The following IFT57 variants were observed in gnomAD, a reference collection of about 807,000 sequenced individuals.
The protein encoded by IFT57 is intraflagellar transport 57, also known as intraflagellar transport protein 57 homolog.
In IFT57, 59 loss-of-function variants were observed where a neutral mutation model predicts 56.8. The observed-to-expected ratio is 1.04, with a 90% CI of 0.84 to 1.29. The LOEUF is 1.29. IFT57 is among the 50% of genes most tolerant of loss of function. IFT57 has a pLI of 0.00. For synonymous variants in IFT57, 209 were observed against 186.1 expected, an observed-to-expected ratio of 1.12 and a Z score of -1.00; for missense variants, 470 against 522.1, an observed-to-expected ratio of 0.90 and a Z score of 0.97.
chr3:108,171,587 C>T (rs2080092460), intron 6 of IFT57, among the ~76,000 whole-genome samples: 1 of 151,718 alleles, frequency 6.6e-6, no homozygotes, highest in African/African-American at 2.4e-5. Flanking sequence ...CTATTCACCA[C>T]CCGTGACTAT....
chr3:108,211,364 G>C (rs1343294555), intron 4 of IFT57, among the ~76,000 whole-genome samples: 1 of 152,198 alleles, frequency 6.6e-6, no homozygotes, highest in Non-Finnish European at 1.5e-5. Context: ...AGCTTGAACG[G>C]AAAGATCTGT....
chr3:108,199,735 C>G (rs763512859), intron 5 of IFT57, among the ~76,000 whole-genome samples: 1 of 152,114 alleles, frequency 6.6e-6, no homozygotes. Flanking sequence ...ATAATCCTCA[C>G]GAATAAAACA....
chr3:108,218,730 C>T (rs2080387800), intron 2 of IFT57, 77 bp from the exon 3 acceptor site: 7 of 574,046 alleles, frequency 1.2e-5, no homozygotes, highest in Non-Finnish European at 3.0e-6. Context: ...CAAAGAACTG[C>T]TGAATGGATG....
chr3:108,186,514 C>T (rs1206507165), intron 6 of IFT57, among the ~76,000 whole-genome samples: 1 of 152,080 alleles, frequency 6.6e-6, no homozygotes, highest in Non-Finnish European at 1.5e-5. Flanking sequence ...TGATACTGGA[C>T]AATCTGGCAG....
At chr3:108,208,377 A>T (rs1272789616) in intron 4 of IFT57, among the ~76,000 whole-genome samples, 3 of 152,252 alleles carry the variant, frequency 2.0e-5, no homozygotes, top group Non-Finnish European at 2.9e-5. Flanking sequence ...ATGGGAGAAG[A>T]GACAAGTTTC....
chr3:108,202,424 T>C (rs2080284205), intron 5 of IFT57, among the ~76,000 whole-genome samples: 1 of 152,228 alleles, frequency 6.6e-6, no homozygotes, highest in Non-Finnish European at 1.5e-5. Flanking sequence ...CAGCGCTGAA[T>C]ATTCTACTAT....
intron 4 of IFT57, among the ~76,000 whole-genome samples, chr3:108,209,914 A>ATG (rs1378707089): frequency 9.1e-6 from 1 of 110,170 alleles, no homozygotes; most frequent in South Asian, 2.9e-4. Flanking sequence ...GTCTTTTTCT[A>ATG]TATGTGTGTG....
intron 1 of IFT57, among the ~76,000 whole-genome samples, chr3:108,221,341 G>A (rs962439188): frequency 1.3e-5 from 2 of 152,200 alleles, no homozygotes; most frequent in Non-Finnish European, 2.9e-5. Flanking sequence ...TCTGGCTACT[G>A]CTAAGCTACA....
At chr3:108,183,187 T>G (rs1401995173) in intron 6 of IFT57, among the ~76,000 whole-genome samples, 8 of 152,038 alleles carry the variant, frequency 5.3e-5, no homozygotes, top group Admixed American at 4.6e-4. Context: ...AAAAAAAACT[T>G]GCCTTGAAAA....
intron 1 of IFT57, 200 bp downstream of exon 1, chr3:108,221,911 T>G: frequency 9.1e-7 from 1 of 1,098,482 alleles, no homozygotes; most frequent in East Asian, 2.7e-5. Flanking sequence ...ATTTATTCTC[T>G]CTACAAAAAT....
chr3:108,211,731 T>A (rs1289768), intron 4 of IFT57, among the ~76,000 whole-genome samples: 118,680 of 152,200 alleles, frequency 0.78, 47,288 homozygotes, highest in Non-Finnish European at 0.86. Flanking sequence ...CATCTTTTTT[T>A]ACATATATTA....
chr3:108,216,463 C>T (rs956719628), intron 3 of IFT57, among the ~76,000 whole-genome samples: 1 of 152,014 alleles, frequency 6.6e-6, no homozygotes, highest in Non-Finnish European at 1.5e-5. Flanking sequence ...AACCCCTCGC[C>T]CCCCAAAATA....
intron 6 of IFT57, among the ~76,000 whole-genome samples, chr3:108,182,895 A>C (rs1399118759): frequency 6.6e-6 from 1 of 152,156 alleles, no homozygotes; most frequent in Non-Finnish European, 1.5e-5. Flanking sequence ...AGTAAGAAAC[A>C]TTTAATTATA....
chr3:108,162,380 C>A lies in IFT57; in HGVS notation c.*97G>T. 3.2e-6 allele frequency: 3 copies of A among 934,402 alleles called. No homozygotes were observed. The highest frequency in any genetic ancestry group is 2.3e-4 in the Middle Eastern group (1 of 4,394). 57.9% of individuals were successfully genotyped at this position (934,402 alleles called of 1,614,324 possible). ...TGAGTATGTATATGTAAAAAAATAC[C>A]CATTGAACATAAAATTATGTTTTGA... On this transcript the variant is annotated 3_prime_UTR_variant, in exon 11 of 11. Transcript: ENST00000264538.
intron 6 of IFT57, among the ~76,000 whole-genome samples, chr3:108,178,259 C>T (rs769828273): frequency 1.5e-4 from 23 of 151,718 alleles, no homozygotes; most frequent in Admixed American, 1.4e-3. Flanking sequence ...TTGAGTTCTA[C>T]CTCACAACCA....
rs181663348 is a variant in IFT57 at position 108,185,957 on chromosome 3, C to A, written c.777+5564G>T. 3.9e-5 allele frequency among the ~76,000 whole-genome samples: 6 copies of A among 152,132 alleles called. No homozygotes were observed. In the East Asian group the frequency reaches 9.7e-4, roughly 25 times the overall value. Reference sequence around the variant, plus strand: ...AAAGTTTTTTGATATCGGACCATGCCCCTGGTCACCCAGAACCCCATGACT... The same window carrying A: ...AAAGTTTTTTGATATCGGACCATGCACCTGGTCACCCAGAACCCCATGACT... On this transcript the variant is annotated intron_variant, in intron 6 of 10. Transcript: ENST00000264538.
At chr3:108,194,622 G>A (rs991092997) in intron 5 of IFT57, among the ~76,000 whole-genome samples, 1 of 152,098 alleles carries the variant, frequency 6.6e-6, no homozygotes, top group African/African-American at 2.4e-5. Context: ...AAACAGCATG[G>A]TTCTGGCATA....
intron 6 of IFT57, among the ~76,000 whole-genome samples, chr3:108,169,059 A>C (rs9830118): frequency 0.096 from 14,630 of 151,992 alleles, 766 homozygotes; most frequent in Middle Eastern, 0.12. Context: ...AGATCCTTGA[A>C]GAATTGCCAC....
At position 108,183,609 on chromosome 3, in the gene IFT57, T is replaced by C. The variant is rs182346396; in HGVS notation, c.777+7912A>G. 2.7e-3 allele frequency among the ~76,000 whole-genome samples: 413 copies of C among 152,274 alleles called. 4 individuals carry two copies. The highest frequency in any genetic ancestry group is 9.4e-3 in the African/African-American group (391 of 41,570). On this transcript the variant is annotated intron_variant, in intron 6 of 10. Coordinates refer to ENST00000264538, the MANE Select transcript of IFT57 (RefSeq NM_018010.4). ...TTCCCTTTTTTCCACTAAAAATCAT[T>C]TAAATTTTCCTACCTGCTTTTGAGT...
Sources: gnomAD v4.1 joint callset for allele counts (sites outside exome capture counted in the v4.1 genomes callset) on GRCh38, gnomAD v4.1.1 for gene constraint, MANE v1.5 for transcripts, NCBI Gene and HGNC (gene_info 2026-07-23, HGNC 2026-07-21) for gene names.